RABGAP1L: variants seen among roughly 807,000 people sequenced by gnomAD.
The protein encoded by RABGAP1L is rab GTPase-activating protein 1-like.
Under a neutral mutation model 137.7 loss-of-function variants are expected in RABGAP1L, and 63 were observed. The ratio of observed to expected loss-of-function variants is 0.46; its 90% CI spans 0.37 to 0.56. The LOEUF is 0.56. Among genes scored for constraint, RABGAP1L ranks in the 20% least tolerant of loss-of-function variants. RABGAP1L has a pLI of 0.00. For missense variants in RABGAP1L, 1,095 were observed against 1,244.0 expected (o/e 0.88, Z 1.80); for synonymous variants, 431 against 433.7 (o/e 0.99, Z 0.08).
rs1263997107 is a variant in RABGAP1L at position 174,650,090 on chromosome 1, A to G, written c.1824+12602A>G. ...GGCCTTTTCTGCATCTATTGAGATA[A>G]TCATGTGGTTTTTATCTTTGGTTCT... On this transcript the variant is annotated intron_variant, in intron 14 of 25. Coordinates refer to ENST00000681986, the MANE Select transcript of RABGAP1L (RefSeq NM_001366446.1). Among the ~76,000 whole-genome samples the G allele has an allele frequency of 1.3e-5, 2 of 152,174 alleles. 1 individual carries two copies. The highest frequency in any genetic ancestry group is 2.9e-5 in the Non-Finnish European group (2 of 68,030).
chr1:174,616,337 T>G (rs1239055788), intron 13 of RABGAP1L, among the ~76,000 whole-genome samples: 2 of 152,236 alleles, frequency 1.3e-5, no homozygotes, highest in East Asian at 3.8e-4. Flanking sequence ...GTTGTCTAAA[T>G]GATGTTGGGA....
chr1:174,248,335 T>A (rs1165057272), intron 5 of RABGAP1L, among the ~76,000 whole-genome samples: 1 of 152,226 alleles, frequency 6.6e-6, no homozygotes. Flanking sequence ...CAAATAATAT[T>A]TGTTGAATGA....
chr1:174,547,538 G>A (rs1301455557), intron 13 of RABGAP1L, among the ~76,000 whole-genome samples: 1 of 152,144 alleles, frequency 6.6e-6, no homozygotes, highest in Non-Finnish European at 1.5e-5. Context: ...AATCACCTGA[G>A]CACAGGAAGT....
chr1:174,957,934 G>T, intron 20 of RABGAP1L: 1 of 1,578,510 alleles, frequency 6.3e-7, no homozygotes, highest in Non-Finnish European at 8.6e-7. Context: ...TTTATACTGG[G>T]AATCTTCATA....
chr1:174,696,964 A>G (rs537969400), intron 15 of RABGAP1L, among the ~76,000 whole-genome samples: 29 of 152,318 alleles, frequency 1.9e-4, no homozygotes, highest in African/African-American at 6.5e-4. Flanking sequence ...TGCCTCCTCC[A>G]AAATTGTCTC....
At chr1:174,383,096 C>G (rs1450213767) in intron 12 of RABGAP1L, among the ~76,000 whole-genome samples, 1 of 151,022 alleles carries the variant, frequency 6.6e-6, no homozygotes, top group Admixed American at 6.6e-5. Flanking sequence ...CCCAGTTAGG[C>G]TGCTCGGGGG....
intron 18 of RABGAP1L, among the ~76,000 whole-genome samples, chr1:174,768,347 CTCCCAATAGATAGA>C (rs1211510073): frequency 6.6e-6 from 1 of 152,158 alleles, no homozygotes; most frequent in Non-Finnish European, 1.5e-5. Context: ...GAAAGGCTGT[CTCCCAATAGATAGA>C]AACCACCTGA....
intron 11 of RABGAP1L, among the ~76,000 whole-genome samples, chr1:174,354,502 A>C (rs1683450022): frequency 6.6e-6 from 1 of 152,176 alleles, no homozygotes; most frequent in Non-Finnish European, 1.5e-5. Context: ...ATTTACTTTA[A>C]AAAAAGAGTC....
At chr1:174,159,820 G>A (rs543188037) in intron 1 of RABGAP1L, 163 bp downstream of exon 1, 44 of 152,594 alleles carry the variant, frequency 2.9e-4, no homozygotes, top group African/African-American at 1.1e-3. Flanking sequence ...AAGGAGGGTA[G>A]GGGGCGGGTT....
rs928043911 is a variant in RABGAP1L, at chr1:174,233,036, T to A, written c.542+1681T>A. On this transcript the variant is annotated intron_variant, in intron 4 of 25. Transcript: ENST00000681986. Reference sequence around the variant, plus strand: ...TTCCTAGATCAAAGCTCCAGCATATTTGGTGTCTGGTGAGGGCCTGCTTCC... The same window carrying A: ...TTCCTAGATCAAAGCTCCAGCATATATGGTGTCTGGTGAGGGCCTGCTTCC... Among the ~76,000 whole-genome samples the A allele has an allele frequency of 4.6e-5, 7 of 152,148 alleles. 1 individual carries two copies. Among genetic ancestry groups the A allele is most frequent in the Admixed American group, 1.3e-4 (2 of 15,264 alleles).
intron 15 of RABGAP1L, among the ~76,000 whole-genome samples, 183 bp downstream of exon 15, chr1:174,683,779 A>C (rs1464338592): frequency 6.6e-6 from 1 of 152,210 alleles, no homozygotes; most frequent in Non-Finnish European, 1.5e-5. Context: ...ACAGTTTCTC[A>C]ATGGAATTAG....
intron 3 of RABGAP1L, among the ~76,000 whole-genome samples, chr1:174,225,494 CTTTTT>C (rs59323156): frequency 9.5e-6 from 1 of 105,732 alleles, no homozygotes; most frequent in Non-Finnish European, 2.0e-5. Flanking sequence ...AGAATGTTGA[CTTTTT>C]TTTTTTTTTT....
At chr1:174,922,300 C>A in intron 19 of RABGAP1L, 1 of 176,658 alleles carries the variant, frequency 5.7e-6, no homozygotes, top group Admixed American at 5.5e-5. Context: ...ACAGCTGTAG[C>A]CTCTACTATG....
chr1:174,541,674 G>A (rs1413997426), intron 13 of RABGAP1L, among the ~76,000 whole-genome samples: 1 of 152,094 alleles, frequency 6.6e-6, no homozygotes, highest in African/African-American at 2.4e-5. Context: ...TACTCTGGAG[G>A]CTGAGGCAGG....
At chr1:174,205,062 G>A (rs777627362) in intron 1 of RABGAP1L, among the ~76,000 whole-genome samples, 18 of 152,116 alleles carry the variant, frequency 1.2e-4, no homozygotes, top group Non-Finnish European at 2.1e-4. Context: ...AGATAATCAC[G>A]TGGTTTTTGT....
chr1:174,569,345 TA>T (rs1466289862), intron 13 of RABGAP1L, among the ~76,000 whole-genome samples: 1 of 152,146 alleles, frequency 6.6e-6, no homozygotes, highest in African/African-American at 2.4e-5. Flanking sequence ...TTCCTCCTGT[TA>T]CAGACATGTG....
Position 174,811,934 on chromosome 1 carries a change from C to A in RABGAP1L, c.2314C>A (p.Leu772Met). 2 of 1,604,944 alleles carry A rather than the reference C, an allele frequency of 1.2e-6. No individual in the cohort carries two copies. The highest frequency in any genetic ancestry group is 1.1e-5 in the South Asian group (1 of 88,864). The change falls in exon 19 of 26, where the codon CTG (leucine) becomes ATG (methionine). Residue 772 changes from leucine to methionine, a missense_variant. Around this residue, in one of 4 missense-constraint regions of RABGAP1L, gnomAD observed 312 missense variants for 435.6 expected, o/e 0.72. Coordinates refer to ENST00000681986, the MANE Select transcript of RABGAP1L (RefSeq NM_001366446.1). Reference protein sequence around the residue: ...RYRAEENARRLMEQACNIKVP... With the variant: ...RYRAEENARRMMEQACNIKVP... Reference sequence around the variant, plus strand: ...CAGGGCAGAGGAAAATGCAAGAAGACTGATGGAGCAGGCTTGCAATATTAA... The same window carrying A: ...CAGGGCAGAGGAAAATGCAAGAAGAATGATGGAGCAGGCTTGCAATATTAA...
intron 17 of RABGAP1L, 146 bp downstream of exon 17, chr1:174,702,402 A>G: frequency 1.6e-6 from 1 of 617,292 alleles, no homozygotes; most frequent in Non-Finnish European, 2.6e-6. Context: ...TTTTCAGTAA[A>G]AACTATTTTA....
intron 11 of RABGAP1L, among the ~76,000 whole-genome samples, chr1:174,346,795 T>A (rs1682472497): frequency 6.6e-6 from 1 of 152,042 alleles, no homozygotes; most frequent in Non-Finnish European, 1.5e-5. Context: ...GCTTTTCTAG[T>A]TCTTTAAGTT....
Sources: allele counts gnomAD v4.1 joint callset (sites outside exome capture counted in the v4.1 genomes callset), GRCh38; gene constraint gnomAD v4.1.1; regional missense constraint gnomAD v4.1.1; transcripts MANE v1.5; gene names NCBI Gene and HGNC (gene_info 2026-07-23, HGNC 2026-07-21).